Variants in CES2 observed in about 807,000 individuals in gnomAD.
CES2 encodes the protein cocaine esterase.
Under a neutral mutation model 52.1 loss-of-function variants are expected in CES2, and 42 were observed. The observed-to-expected ratio is 0.81, with a 90% confidence interval of 0.63 to 1.04. The LOEUF (loss-of-function observed/expected upper bound fraction) is 1.04. CES2 is among the 50% of genes least tolerant of loss of function. The pLI is 0.00. For missense variants in CES2, 656 were observed against 724.3 expected, an observed-to-expected ratio of 0.91 and a Z score of 1.08; for synonymous variants, 277 against 289.6, an observed-to-expected ratio of 0.96 and a Z score of 0.44.
chr16:66,938,267 A>G (rs768777060), intron 2 of CES2, 26 bp downstream of exon 2: 1 of 1,549,426 alleles, frequency 6.5e-7, no homozygotes, highest in Non-Finnish European at 8.9e-7. Context: ...GGTCCAGGGA[A>G]CTCCAGGCCC....
In CES2 at chr16:66,941,224, T is replaced by C; in HGVS notation, c.915+2T>C. On this transcript the variant is annotated splice_donor_variant, in intron 6 of 11. Transcript: ENST00000317091. LOFTEE classifies it high-confidence loss of function. Reference sequence around the variant, plus strand: ...GAGGAGATTCTTGCAATTAACAAGGTTGGTCTAAATGGATGTGGGTGTAGA... The same window carrying C: ...GAGGAGATTCTTGCAATTAACAAGGCTGGTCTAAATGGATGTGGGTGTAGA... 6.2e-7 allele frequency: 1 copy of C among 1,613,942 alleles called. No homozygotes were observed. Among genetic ancestry groups the C allele is most frequent in the Non-Finnish European group, 8.5e-7 (1 of 1,179,908 alleles).
chr16:66,940,501 G>C lies in CES2; in HGVS notation c.622G>C (p.Val208Leu), dbSNP rs767322191. Residue 208 changes from valine (V) to leucine (L), a missense_variant, in exon 5 of 12, where the codon GTC (valine) becomes CTC (leucine). Val to Leu is a conservative substitution (Grantham distance 32, BLOSUM62 1). Coordinates refer to ENST00000317091, the MANE Select transcript of CES2 (RefSeq NM_001365405.1). ...GGACCAAGTGGCTGCACTACGCTGGGTCCAGCAGAATATCGCCCACTTTGG... is the reference window on the plus strand; with the variant it reads ...GGACCAAGTGGCTGCACTACGCTGGCTCCAGCAGAATATCGCCCACTTTGG... Reference protein sequence around the residue: ...YLDQVAALRWVQQNIAHFGGN... With the variant: ...YLDQVAALRWLQQNIAHFGGN... The C allele has an allele frequency of 3.7e-6, 6 of 1,614,130 alleles. No individual in the cohort carries two copies. Among genetic ancestry groups the C allele is most frequent in the Non-Finnish European group, 4.2e-6 (5 of 1,180,044 alleles).
chr16:66,943,385 C>T lies in CES2; in HGVS notation c.1493+14C>T. The T allele has an allele frequency of 6.2e-7, 1 of 1,613,902 alleles. No individual in the cohort carries two copies. Among genetic ancestry groups the T allele is most frequent in the Non-Finnish European group, 8.5e-7 (1 of 1,179,824 alleles). On this transcript the variant is annotated intron_variant, in intron 11 of 11. Coordinates refer to ENST00000317091, the MANE Select transcript of CES2 (RefSeq NM_001365405.1). This position sits in a 1 kb window ranked among gnomAD's most constrained non-coding sequence, Gnocchi z 4.2. ...TGCGAGAAATGGGTGAGACAGCACA[C>T]CCCTGCCTCAACCTCCCCGATTGGG...
In CES2 at chr16:66,936,303, G is replaced by A. The variant is rs191750898; in HGVS notation, c.76+592G>A. On this transcript the variant is annotated intron_variant, in intron 1 of 11. Transcript: ENST00000317091. ...CTTTAGAAGGCCAAGGGAGAGTATC[G>A]CTTGTGCCCAGGAGTTGGAGGCCAG... Among the ~76,000 whole-genome samples, 23 of 152,248 alleles carry A rather than the reference G, an allele frequency of 1.5e-4. No homozygotes were observed. The East Asian group carries it at 4.1e-3, about 27-fold the overall frequency.
At chr16:66,937,824 G>A (rs918092203) in intron 1 of CES2, among the ~76,000 whole-genome samples, 5 of 152,172 alleles carry the variant, frequency 3.3e-5, no homozygotes, top group Non-Finnish European at 4.4e-5. Flanking sequence ...GATGATGCCT[G>A]GCCCCAAGGA....
chr16:66,935,874 A>G (rs546208879), intron 1 of CES2, 163 bp downstream of exon 1: 10 of 1,490,696 alleles, frequency 6.7e-6, no homozygotes, highest in African/African-American at 5.6e-5. Flanking sequence ...CCGCCGCCCA[A>G]GGTGGGCTCC....
At chr16:66,942,516 C>A in intron 9 of CES2, 132 bp from the exon 10 acceptor site, 1 of 1,036,222 alleles carries the variant, frequency 9.7e-7, no homozygotes, top group Non-Finnish European at 1.4e-6. Context: ...TCTATTCCTG[C>A]CCCAGCCTGG....
intron 6 of CES2, 92 bp from the exon 7 acceptor site, chr16:66,941,414 G>A (rs947274002): frequency 1.9e-6 from 3 of 1,553,862 alleles, no homozygotes; most frequent in African/African-American, 2.7e-5. Flanking sequence ...TGAGCATCCA[G>A]GGATAAACTG....
At position 66,942,633 on chromosome 16, in the gene CES2, C is replaced by G; in HGVS notation, c.1283-15C>G. 1.2e-6 allele frequency: 2 copies of G among 1,613,982 alleles called. No individual in the cohort carries two copies. The highest frequency in any genetic ancestry group is 2.2e-5 in the South Asian group (2 of 91,074). On this transcript the variant is annotated splice_polypyrimidine_tract_variant and intron_variant, in intron 9 of 11. Coordinates refer to ENST00000317091, the MANE Select transcript of CES2 (RefSeq NM_001365405.1). Reference sequence around the variant, plus strand: ...GGGGGAGGGGCCACCGTGTCATGGGCTGTCCACCCCACAGGTTCCCGGGCC... The same window carrying G: ...GGGGGAGGGGCCACCGTGTCATGGGGTGTCCACCCCACAGGTTCCCGGGCC...
At chr16:66,942,325 G>C in intron 9 of CES2, 76 bp downstream of exon 9, 1 of 1,471,084 alleles carries the variant, frequency 6.8e-7, no homozygotes, top group East Asian at 2.3e-5. Flanking sequence ...ACCTGCTGCT[G>C]TCCGGGTCAG....
upstream of CES2, chr16:66,934,596 G>A (rs974670094): frequency 3.4e-5 from 21 of 621,102 alleles, no homozygotes; most frequent in Middle Eastern, 4.5e-4. The surrounding 1 kb of genome is among the most constrained non-coding windows in gnomAD (Gnocchi z 4.1). Flanking sequence ...CCACGGCGGC[G>A]CTGGGTCGTG....
At chr16:66,942,456 C>T in intron 9 of CES2, 192 bp from the exon 10 acceptor site, 1 of 790,656 alleles carries the variant, frequency 1.3e-6, no homozygotes, top group Non-Finnish European at 2.0e-6. Flanking sequence ...AGTTAGGGAC[C>T]TTCAGTGACT....
chr16:66,941,251 G>A, intron 6 of CES2, 29 bp downstream of exon 6: 4 of 1,611,758 alleles, frequency 2.5e-6, no homozygotes, highest in Non-Finnish European at 3.4e-6. Flanking sequence ...GGGTGTAGAG[G>A]AAGGGGTGCA....
intron 8 of CES2, 113 bp from the exon 9 acceptor site, chr16:66,941,992 C>G: frequency 6.6e-7 from 1 of 1,514,640 alleles, no homozygotes; most frequent in Admixed American, 1.9e-5. Context: ...GTGGGGTCAC[C>G]TCAGAGCCTC....
rs150055059 is a variant in CES2, at chr16:66,940,566, G to C, written c.687G>C (p.Ala229=). 4 of 1,614,230 alleles carry C rather than the reference G, an allele frequency of 2.5e-6. No individual in the cohort carries two copies. The Admixed American group carries it at 6.7e-5, about 27-fold the overall frequency. ...PDRVTIFGES[A]GGTSVSSLVV... ...GTGTCACCATTTTTGGCGAGTCTGC[G>C]GGTGGCACGAGTGTGTCTTCGCTTG... is the stretch of plus-strand genomic sequence containing the variant. The change falls in exon 5 of 12, where the codon GCG becomes GCC. Residue 229 remains alanine, a synonymous_variant. Transcript: ENST00000317091.
intron 9 of CES2, 172 bp downstream of exon 9, chr16:66,942,421 C>G (rs1047846218): frequency 2.4e-6 from 2 of 844,316 alleles, no homozygotes; most frequent in Admixed American, 2.9e-5. Flanking sequence ...CGACATTTCC[C>G]CCATTTCACA....
rs79210442 is a variant in CES2, at chr16:66,939,145, G to C, written c.282-72G>C. The C allele has an allele frequency of 8.2e-6, 11 of 1,343,464 alleles. No individual in the cohort carries two copies. The African/African-American group carries it at 8.6e-5, about 11-fold the overall frequency. 83.2% of individuals were successfully genotyped at this position (1,343,464 alleles called of 1,614,324 possible). On this transcript the variant is annotated intron_variant, in intron 2 of 11. Transcript: ENST00000317091. ...GGGAAGGGTCTGAGGGTGGCTGGGA[G>C]CACCTCTGAACCCAGGGTCTGGTTT... is the stretch of plus-strand genomic sequence containing the variant.
rs1251297239 is a variant in CES2 at position 66,944,448 on chromosome 16, TAAA to T, written c.*426_*428del. On this transcript the variant is annotated 3_prime_UTR_variant, in exon 12 of 12. Coordinates refer to ENST00000317091, the MANE Select transcript of CES2 (RefSeq NM_001365405.1). ...GGGAAAAATATGAGAAAAATAAAAA[TAAA>T]AAGAGAATAATAGGCCAGGCACTGT... The T allele has an allele frequency of 1.3e-5, 2 of 151,348 alleles. No homozygotes were observed. The highest frequency in any genetic ancestry group is 2.9e-5 in the Non-Finnish European group (2 of 68,074). 9.4% of individuals were successfully genotyped at this position (151,348 alleles called of 1,614,324 possible).
intron 2 of CES2, among the ~76,000 whole-genome samples, chr16:66,938,845 A>C (rs1030076497): frequency 3.3e-5 from 5 of 152,068 alleles, no homozygotes; most frequent in African/African-American, 1.2e-4. Flanking sequence ...ACATCCATTC[A>C]CTCATGTAGC....
Sources: allele counts gnomAD v4.1 joint callset (sites outside exome capture counted in the v4.1 genomes callset), GRCh38; gene constraint gnomAD v4.1.1; non-coding constraint Gnocchi (gnomAD v3.1); transcripts MANE v1.5; gene names NCBI Gene and HGNC (gene_info 2026-07-23, HGNC 2026-07-21).